Variants in SP110 observed in about 807,000 individuals in gnomAD.
SP110 encodes interferon-induced protein 41, 30kD.
Under a neutral mutation model 92.7 loss-of-function variants are expected in SP110, and 62 were observed. That is an observed-to-expected ratio of 0.67 (90% CI 0.55 to 0.83). SP110 has a LOEUF of 0.83. Ranked by LOEUF, SP110 falls within the 40% of genes least tolerant of loss-of-function variation. The probability of loss-of-function intolerance (pLI) is 0.00; values close to 1 mark genes in which losing one functional copy is unlikely to be tolerated. For synonymous variants in SP110, 273 were observed against 305.3 expected (o/e 0.89, Z 1.10); for missense variants, 793 against 863.9 (o/e 0.92, Z 1.03).
intron 8 of SP110, among the ~76,000 whole-genome samples, chr2:230,204,375 G>T (rs2043521112): frequency 6.6e-6 from 1 of 152,172 alleles, no homozygotes; most frequent in African/African-American, 2.4e-5. Context: ...TCACTACTGG[G>T]CTGCTGGCCA....
intron 10 of SP110, among the ~76,000 whole-genome samples, chr2:230,192,437 T>C (rs978657675): frequency 1.3e-5 from 2 of 152,102 alleles, no homozygotes; most frequent in Non-Finnish European, 2.9e-5. Context: ...TTCAACAAAG[T>C]CTCAGGATAC....
chr2:230,177,636 T>C lies in SP110; in HGVS notation c.1492A>G (p.Thr498Ala). 6.2e-7 allele frequency: 1 copy of C among 1,614,182 alleles called. No individual in the cohort carries two copies. Among genetic ancestry groups the C allele is most frequent in the Non-Finnish European group, 8.5e-7 (1 of 1,179,982 alleles). The change falls in exon 14 of 19, where the codon ACA becomes GCA. Residue 498 changes from threonine (T) to alanine (A), a missense_variant. Transcript: ENST00000258381. ...CIRNEDGTWL[T>A]PNEFEVEGKG... ...CCTTCGACTTCAAATTCATTTGGTG[T>C]TAACCAAGTTCCATCCTCATTCCGA...
chr2:230,173,747 C>G (rs984201422), intron 14 of SP110: 1 of 152,122 alleles, frequency 6.6e-6, no homozygotes, highest in Non-Finnish European at 1.5e-5. Flanking sequence ...CCTGTGACCC[C>G]ACCTGTGATG....
chr2:230,176,222 C>T (rs1175549913), intron 14 of SP110, among the ~76,000 whole-genome samples: 1 of 151,924 alleles, frequency 6.6e-6, no homozygotes, highest in Admixed American at 6.6e-5. Flanking sequence ...GGGATTACAT[C>T]GCTCTGTATA....
At chr2:230,195,066 GT>G (rs2042805423) in intron 10 of SP110, among the ~76,000 whole-genome samples, 1 of 149,922 alleles carries the variant, frequency 6.7e-6, no homozygotes, top group Admixed American at 6.6e-5. Context: ...TTTTTTTTCT[GT>G]TTTCTTTTTG....
chr2:230,183,137 G>C (rs2042201712), intron 12 of SP110, among the ~76,000 whole-genome samples: 1 of 152,144 alleles, frequency 6.6e-6, no homozygotes, highest in African/African-American at 2.4e-5. Context: ...GGAGGGAGAG[G>C]ACAGAGATGC....
intron 1 of SP110, among the ~76,000 whole-genome samples, chr2:230,218,621 T>G (rs1047193989): frequency 2.6e-5 from 4 of 152,210 alleles, no homozygotes; most frequent in African/African-American, 9.6e-5. Context: ...TAGAGCTTCC[T>G]CATTCTTCAT....
intron 10 of SP110, 82 bp from the exon 11 acceptor site, chr2:230,186,225 C>T: frequency 7.6e-7 from 1 of 1,322,074 alleles, no homozygotes; most frequent in Non-Finnish European, 1.1e-6. Context: ...GTTATCTTGC[C>T]ATTTCTCTAT....
At chr2:230,176,779 A>G in intron 14 of SP110, 1 of 1,573,094 alleles carries the variant, frequency 6.4e-7, no homozygotes, top group Middle Eastern at 1.7e-4. Context: ...TTTCTTTTGT[A>G]GATACTGGCC....
At chr2:230,175,999 A>T (rs1018457685) in intron 14 of SP110, among the ~76,000 whole-genome samples, 27 of 142,716 alleles carry the variant, frequency 1.9e-4, no homozygotes, top group African/African-American at 7.1e-4. Context: ...GCTGGAGTGC[A>T]GTGGCATGAT....
chr2:230,194,220 C>A (rs1012982623), intron 10 of SP110, among the ~76,000 whole-genome samples: 1 of 152,122 alleles, frequency 6.6e-6, no homozygotes, highest in African/African-American at 2.4e-5. Context: ...TCTTCCCAGG[C>A]TGGCTCCCAT....
chr2:230,173,455 G>A, intron 14 of SP110: 1 of 186,760 alleles, frequency 5.4e-6, no homozygotes, highest in Non-Finnish European at 1.2e-5. Flanking sequence ...TGGATGCTAT[G>A]ACCCAGTAAA....
At chr2:230,203,448 C>T (rs2043395874) in intron 8 of SP110, 1 of 152,640 alleles carries the variant, frequency 6.6e-6, no homozygotes, top group South Asian at 2.1e-4. Flanking sequence ...CGGTGATATC[C>T]GCAGGCCACT....
chr2:230,217,491 G>A (rs2045347536), intron 1 of SP110, among the ~76,000 whole-genome samples: 1 of 152,162 alleles, frequency 6.6e-6, no homozygotes, highest in African/African-American at 2.4e-5. Flanking sequence ...TAAACATAAG[G>A]AAGGTATTAA....
In SP110 at chr2:230,214,571, T is replaced by C. The variant is rs148905253; in HGVS notation, c.316+379A>G. The stretch of plus-strand genomic sequence containing the variant: ...ATAAGGCACCAAAAAAAGATACTTA[T>C]TATTATCCGTCCACATTCATTTTTT... On this transcript the variant is annotated intron_variant, in intron 3 of 18. Transcript: ENST00000258381. 1.9e-3 allele frequency among the ~76,000 whole-genome samples: 285 copies of C among 152,368 alleles called. 2 individuals are homozygous for C. Among genetic ancestry groups the C allele is most frequent in the African/African-American group, 6.5e-3 (269 of 41,590 alleles).
At chr2:230,186,208 T>G (rs1470972278) in intron 10 of SP110, 65 bp from the exon 11 acceptor site, 2 of 1,504,308 alleles carry the variant, frequency 1.3e-6, no homozygotes, top group Non-Finnish European at 1.8e-6. Flanking sequence ...CCCCTACCCT[T>G]TCAGGAGTTA....
chr2:230,200,155 T>C (rs1475797702), intron 10 of SP110, among the ~76,000 whole-genome samples: 1 of 152,226 alleles, frequency 6.6e-6, no homozygotes, highest in Non-Finnish European at 1.5e-5. Context: ...TAAAATTTAA[T>C]CCATTTTTCC....
intron 15 of SP110, 172 bp from the exon 16 acceptor site, chr2:230,172,346 C>A (rs1428202948): frequency 2.1e-5 from 14 of 669,588 alleles, no homozygotes; most frequent in Non-Finnish European, 3.3e-5. Context: ...CCTTCCCTCG[C>A]ATCAGTGGTA....
chr2:230,190,557 T>A (rs574856027), intron 10 of SP110, among the ~76,000 whole-genome samples: 4 of 152,318 alleles, frequency 2.6e-5, no homozygotes, highest in African/African-American at 9.6e-5. Context: ...GCTGTTTAGT[T>A]TAATTAATTC....
Sources: allele counts gnomAD v4.1 joint callset (sites outside exome capture counted in the v4.1 genomes callset), GRCh38; gene constraint gnomAD v4.1.1; transcripts MANE v1.5; gene names NCBI Gene and HGNC (gene_info 2026-07-23, HGNC 2026-07-21).